Variants in TAF5L observed in about 807,000 individuals in gnomAD.
The protein encoded by TAF5L is TATA-box binding protein associated factor 5 like.
In TAF5L, 7 loss-of-function variants were observed where a neutral mutation model predicts 51.3. The observed-to-expected ratio is 0.14, with a 90% CI of 0.08 to 0.26. The LOEUF (loss-of-function observed/expected upper bound fraction) is 0.26, where lower values mean the gene tolerates loss of function less well. TAF5L is among the 10% of genes least tolerant of loss of function. The pLI, the probability that TAF5L is intolerant of heterozygous loss-of-function variation, is 1.00. For missense variants in TAF5L, 575 were observed against 758.9 expected (o/e 0.76, Z 2.85); for synonymous variants, 291 against 308.1 (o/e 0.94, Z 0.58).
intron 1 of TAF5L, among the ~76,000 whole-genome samples, chr1:229,620,867 A>G (rs1034624368): frequency 2.0e-5 from 3 of 152,204 alleles, no homozygotes; most frequent in Non-Finnish European, 4.4e-5. Flanking sequence ...AAAATAAGGG[A>G]TAAGACGTTT....
intron 4 of TAF5L, chr1:229,601,564 T>C: frequency 2.0e-6 from 2 of 985,888 alleles, no homozygotes; most frequent in African/African-American, 1.7e-5. Context: ...CAAACAAGAT[T>C]GAACACTGAC....
At chr1:229,618,168 C>G (rs1363016605) in intron 1 of TAF5L, among the ~76,000 whole-genome samples, 1 of 152,194 alleles carries the variant, frequency 6.6e-6, no homozygotes, top group Non-Finnish European at 1.5e-5. Context: ...ACCTAAGTCT[C>G]TGGAGAGACT....
chr1:229,600,888 T>G (rs1431708368), intron 4 of TAF5L: 1 of 984,998 alleles, frequency 1.0e-6, no homozygotes, highest in African/African-American at 1.7e-5. Context: ...AAACTCTGTA[T>G]CATCAAAGCT....
intron 4 of TAF5L, among the ~76,000 whole-genome samples, chr1:229,596,105 T>C (rs899273612): frequency 6.6e-6 from 1 of 152,058 alleles, no homozygotes; most frequent in African/African-American, 2.4e-5. Context: ...GGAGATTCTT[T>C]ACCAAAAAAA....
Position 229,602,234 on chromosome 1 carries a change from C to T in TAF5L, c.933G>A (p.Val311=). The change falls in exon 4 of 5, where the codon GTG becomes GTA. Residue 311 remains valine (V), a synonymous_variant. Transcript: ENST00000258281. The surrounding 1 kb of genome is among the most constrained non-coding windows in gnomAD (Gnocchi z 4.6). ...TATCACAAGCCAAATGGATGCGGGA[C>T]ACGTCTACTTGGTGGGGCTCTGATT... is the stretch of plus-strand genomic sequence containing the variant. 6.2e-7 allele frequency: 1 copy of T among 1,614,128 alleles called. No individual in the cohort carries two copies. The highest frequency in any genetic ancestry group is 2.2e-5 in the East Asian group (1 of 44,878).
intron 3 of TAF5L, chr1:229,606,010 A>G (rs956376080): frequency 1.0e-5 from 5 of 490,248 alleles, no homozygotes; most frequent in Admixed American, 6.4e-5. Flanking sequence ...TCAATTCCTT[A>G]GAAACAAAAT....
At chr1:229,621,058 G>A (rs183843972) in intron 1 of TAF5L, among the ~76,000 whole-genome samples, 2 of 152,222 alleles carry the variant, frequency 1.3e-5, no homozygotes, top group East Asian at 3.9e-4. Flanking sequence ...GGCAAACGAC[G>A]GAGGTGTTGT....
At chr1:229,601,367 CAGTGGTGATA>C in intron 4 of TAF5L, 1 of 985,394 alleles carries the variant, frequency 1.0e-6, no homozygotes, top group Non-Finnish European at 1.2e-6. Flanking sequence ...ACCTGAATTT[CAGTGGTGATA>C]AGACAAAAAT....
In TAF5L at chr1:229,594,723, C is replaced by T. The variant is rs780991661; in HGVS notation, c.1344G>A (p.Lys448=). The stretch of plus-strand genomic sequence containing the variant: ...GCTGAGCGCTCCACAGCCGGACGGT[C>T]TTGTCGGTTGAGCCCGTGGCCAAGT... Residue 448 remains lysine, a synonymous_variant, in exon 5 of 5, where the codon AAG becomes AAA. Coordinates refer to ENST00000258281, the Ensembl canonical transcript of TAF5L. This position sits in a 1 kb window ranked among gnomAD's most constrained non-coding sequence, Gnocchi z 7.9. 6.2e-7 allele frequency: 1 copy of T among 1,614,190 alleles called. No individual in the cohort carries two copies. The highest frequency in any genetic ancestry group is 8.5e-7 in the Non-Finnish European group (1 of 1,180,048).
chr1:229,601,280 TAG>T, intron 4 of TAF5L: 2 of 985,378 alleles, frequency 2.0e-6, no homozygotes, highest in African/African-American at 1.7e-5. Flanking sequence ...GTAATTTAAT[TAG>T]AGTGATTTTT....
In TAF5L at chr1:229,625,694, C is replaced by G. The variant is rs1441062867; in HGVS notation, c.-4+191G>C. ...GGACTCGGGAGGCCGAGGGCGGAGGCGCGGCCGTCGCGCCCGCGCAGAGCC... is the reference window on the plus strand; with the variant it reads ...GGACTCGGGAGGCCGAGGGCGGAGGGGCGGCCGTCGCGCCCGCGCAGAGCC... On this transcript the variant is annotated intron_variant, in intron 1 of 4. Coordinates refer to ENST00000258281, the Ensembl canonical transcript of TAF5L. The surrounding 1 kb of genome is among the most constrained non-coding windows in gnomAD (Gnocchi z 4.0). Among the ~76,000 whole-genome samples, 2 of 147,836 alleles carry G rather than the reference C, an allele frequency of 1.4e-5. No individual in the cohort carries two copies. The highest frequency in any genetic ancestry group is 4.0e-4 in the East Asian group (2 of 5,012).
At position 229,614,342 on chromosome 1, in the gene TAF5L, T is replaced by C. The variant is rs144626601; in HGVS notation, c.141A>G (p.Thr47=). Residue 47 remains threonine (T), a splice_region_variant and synonymous_variant, in exon 2 of 5, where the codon ACA becomes ACG. Transcript: ENST00000258281. ...CACCAGACGAGCCCCCACCATTACCTGTTAGATTGGCCGCCATCTCTTCAG... is the reference window on the plus strand; with the variant it reads ...CACCAGACGAGCCCCCACCATTACCCGTTAGATTGGCCGCCATCTCTTCAG... 7.5e-4 allele frequency: 1,205 copies of C among 1,614,242 alleles called. 8 individuals are homozygous for C. The African/African-American group carries it at 0.014, about 18-fold the overall frequency.
rs1456692345 is a variant in TAF5L at position 229,610,062 on chromosome 1, C to T, written c.247+44G>A. The T allele has an allele frequency of 1.3e-5, 20 of 1,582,832 alleles. No homozygotes were observed. In the Admixed American group the frequency reaches 3.0e-4, roughly 24 times the overall value. On this transcript the variant is annotated intron_variant, in intron 3 of 4. Coordinates refer to ENST00000258281, the Ensembl canonical transcript of TAF5L. The stretch of plus-strand genomic sequence containing the variant: ...GTGTGCCCAAAGTTGGTCTGTATTA[C>T]TCTGTTTTCTTAAAAAGAAAAGGTT...
At chr1:229,599,583 A>T (rs1664285930) in intron 4 of TAF5L, 1 of 161,974 alleles carries the variant, frequency 6.2e-6, no homozygotes, top group South Asian at 2.0e-4. Flanking sequence ...AAAGCTTTCA[A>T]GTTCATCCAT....
intron 3 of TAF5L, among the ~76,000 whole-genome samples, chr1:229,608,498 G>A (rs1042253389): frequency 1.3e-5 from 2 of 152,056 alleles, no homozygotes; most frequent in African/African-American, 4.8e-5. Context: ...AAGAAAAACC[G>A]AATTTATAAT....
chr1:229,614,175 A>AG, intron 2 of TAF5L, 166 bp downstream of exon 2: 2 of 1,070,246 alleles, frequency 1.9e-6, no homozygotes, highest in Non-Finnish European at 2.8e-6. Context: ...AATGACAGAC[A>AG]GGGTCTCTGA....
Position 229,602,093 on chromosome 1 carries a change from AG to A in TAF5L, c.972+101del, listed in dbSNP as rs1664397210. The A allele has an allele frequency of 5.3e-6, 8 of 1,523,578 alleles. No homozygotes were observed. Among genetic ancestry groups the A allele is most frequent in the Admixed American group, 2.1e-5 (1 of 46,762 alleles). The allele number at this position is 1,523,578 out of a possible 1,614,324, so 94.4% of individuals were successfully genotyped here. A position where few individuals can be genotyped will look rare whatever the true frequency, so the allele number is the denominator to read the frequency against. On this transcript the variant is annotated intron_variant, in intron 4 of 4. Coordinates refer to ENST00000258281, the Ensembl canonical transcript of TAF5L. This position sits in a 1 kb window ranked among gnomAD's most constrained non-coding sequence, Gnocchi z 4.6. ...TTAGTCTGGCTTTAGCTATATGATG[AG>A]GGAAACTAGGAAGTCCATTCTAAGA...
At position 229,594,223 on chromosome 1, in the gene TAF5L, A is replaced by C; in HGVS notation, c.*74T>G. The C allele has an allele frequency of 3.4e-6, 5 of 1,472,646 alleles. No individual in the cohort carries two copies. Among genetic ancestry groups the C allele is most frequent in the Non-Finnish European group, 4.6e-6 (5 of 1,088,506 alleles). The allele number at this position is 1,472,646 out of a possible 1,614,324, so 91.2% of individuals were successfully genotyped here. A position where few individuals can be genotyped will look rare whatever the true frequency, so the allele number is the denominator to read the frequency against. On this transcript the variant is annotated 3_prime_UTR_variant, in exon 5 of 5. Transcript: ENST00000258281. The surrounding 1 kb of genome is among the most constrained non-coding windows in gnomAD (Gnocchi z 7.9). Reference sequence around the variant, plus strand: ...GGGCTCTTTCACAGTCAATGATTCAATCTCAGCTCATTGAAGGATTGCAAC... The same window carrying C: ...GGGCTCTTTCACAGTCAATGATTCACTCTCAGCTCATTGAAGGATTGCAAC...
chr1:229,595,239 T>A, intron 4 of TAF5L, 145 bp from the exon 5 acceptor site: 1 of 848,518 alleles, frequency 1.2e-6, no homozygotes, highest in Non-Finnish European at 1.8e-6. Context: ...GACAGTGGCC[T>A]TGCCCTTGAA....
Sources: allele counts gnomAD v4.1 joint callset (sites outside exome capture counted in the v4.1 genomes callset), GRCh38; gene constraint gnomAD v4.1.1; non-coding constraint Gnocchi (gnomAD v3.1); transcripts MANE v1.5; gene names NCBI Gene and HGNC (gene_info 2026-07-23, HGNC 2026-07-21).